Variants in EFHC1 observed in about 807,000 individuals in gnomAD.
The protein encoded by EFHC1 is EF-hand domain-containing protein 1.
A neutral mutation model predicts 69.9 loss-of-function variants in EFHC1; 53 were observed. The ratio of observed to expected loss-of-function variants is 0.76; its 90% CI spans 0.61 to 0.95. EFHC1 has a LOEUF of 0.95. Among genes scored for constraint, EFHC1 ranks in the 40% least tolerant of loss-of-function variants. The pLI is 0.00. For missense variants in EFHC1, 739 were observed against 798.7 expected, an observed-to-expected ratio of 0.93 and a Z score of 0.90; for synonymous variants, 256 against 278.4, an observed-to-expected ratio of 0.92 and a Z score of 0.80.
chr6:52,462,830 G>C (rs1422091223), intron 5 of EFHC1, among the ~76,000 whole-genome samples: 2 of 150,008 alleles, frequency 1.3e-5, no homozygotes, highest in African/African-American at 4.9e-5. Context: ...AGAGGTTGCA[G>C]TGAGCCGAGA....
Position 52,469,381 on chromosome 6 carries a change from A to T in EFHC1, c.1186A>T (p.Asn396Tyr). Residue 396 changes from asparagine (N) to tyrosine (Y), a missense_variant, in exon 7 of 11, where the codon AAT (asparagine) becomes TAT (tyrosine). By Grantham distance (143) the Asn-to-Tyr change is moderately radical. Transcript: ENST00000371068. ...TGGACTAGTGGAAGATTCTGCTCAGAATTGTTTTGCTCTCATTCCAAAAGC... is the reference window on the plus strand; with the variant it reads ...TGGACTAGTGGAAGATTCTGCTCAGTATTGTTTTGCTCTCATTCCAAAAGC... ...GFGLVEDSAQ[N>Y]CFALIPKAPK... 4.3e-6 allele frequency: 7 copies of T among 1,614,012 alleles called. No homozygotes were observed. The highest frequency in any genetic ancestry group is 5.9e-6 in the Non-Finnish European group (7 of 1,179,940).
intron 3 of EFHC1, among the ~76,000 whole-genome samples, chr6:52,446,950 C>A (rs1764800824): frequency 6.6e-6 from 1 of 152,214 alleles, no homozygotes; most frequent in South Asian, 2.1e-4. Flanking sequence ...TGAATGGCTT[C>A]ACTTTGTGGG....
At chr6:52,433,749 T>A (rs1227794417) in intron 2 of EFHC1, among the ~76,000 whole-genome samples, 1 of 151,700 alleles carries the variant, frequency 6.6e-6, no homozygotes, top group Non-Finnish European at 1.5e-5. Flanking sequence ...CAAGAGTATA[T>A]GCCCTTTGTC....
intron 1 of EFHC1, among the ~76,000 whole-genome samples, chr6:52,421,855 T>TG (rs1764197578): frequency 6.6e-6 from 1 of 152,206 alleles, no homozygotes. Flanking sequence ...TTGGTGTTGG[T>TG]GAGTATAGAC....
chr6:52,487,535 T>G (rs1464911522), intron 9 of EFHC1: 1 of 152,260 alleles, frequency 6.6e-6, no homozygotes, highest in East Asian at 1.9e-4. Context: ...TCTCCCACTT[T>G]GTACAACTAA....
intron 3 of EFHC1, among the ~76,000 whole-genome samples, chr6:52,438,850 C>G (rs1479191468): frequency 1.3e-5 from 2 of 152,014 alleles, no homozygotes; most frequent in Non-Finnish European, 2.9e-5. Flanking sequence ...GGTAAGAAAC[C>G]AGGTTAAAAT....
intron 9 of EFHC1, chr6:52,486,869 T>C (rs1293033432): frequency 6.6e-6 from 1 of 152,222 alleles, no homozygotes; most frequent in African/African-American, 2.4e-5. Flanking sequence ...TCATTGGTTG[T>C]TTCCAAGTAT....
intron 3 of EFHC1, among the ~76,000 whole-genome samples, chr6:52,451,687 C>T (rs149003567): frequency 2.6e-5 from 4 of 152,236 alleles, no homozygotes; most frequent in East Asian, 3.9e-4. Context: ...GCCTCTCTAG[C>T]GAGGTTGAGG....
In EFHC1 at chr6:52,452,807, A is replaced by G; in HGVS notation, c.693A>G (p.Gln231=). 5.6e-6 allele frequency: 9 copies of G among 1,614,190 alleles called. No individual in the cohort carries two copies. Among genetic ancestry groups the G allele is most frequent in the Non-Finnish European group, 7.6e-6 (9 of 1,180,028 alleles). ...ATGTCACCCCATCAGACTTTGATCAACTCAAGCAATTTCTCACCTTTGACA... is the reference window on the plus strand; with the variant it reads ...ATGTCACCCCATCAGACTTTGATCAGCTCAAGCAATTTCTCACCTTTGACA... ...RKYVTPSDFD[Q]LKQFLTFDKQ... The change falls in exon 4 of 11, where the codon CAA becomes CAG. Residue 231 remains glutamine, a synonymous_variant. Coordinates refer to ENST00000371068, the MANE Select transcript of EFHC1 (RefSeq NM_018100.4).
At position 52,479,639 on chromosome 6, in the gene EFHC1, G is replaced by A. The variant is rs758715767; in HGVS notation, c.1493-1G>A. On this transcript the variant is annotated splice_acceptor_variant, in intron 8 of 10. Coordinates refer to ENST00000371068, the MANE Select transcript of EFHC1 (RefSeq NM_018100.4). LOFTEE classifies it high-confidence loss of function. ...TAAGTGTGTTGCTACCTTCTCTCCA[G>A]TGTTTGGTCACCGGTTCATCATCCT... 6.2e-7 allele frequency: 1 copy of A among 1,614,062 alleles called. No individual in the cohort carries two copies. The highest frequency in any genetic ancestry group is 1.3e-5 in the African/African-American group (1 of 74,920).
At chr6:52,431,441 C>G (rs1764411847) in intron 2 of EFHC1, among the ~76,000 whole-genome samples, 1 of 152,074 alleles carries the variant, frequency 6.6e-6, no homozygotes. Context: ...TAATTTCCAT[C>G]TTGATTTTAT....
chr6:52,452,855 C>G lies in EFHC1; in HGVS notation c.723+18C>G, dbSNP rs375413085. 2 of 1,613,820 alleles carry G rather than the reference C, an allele frequency of 1.2e-6. No homozygotes were observed. The highest frequency in any genetic ancestry group is 1.7e-6 in the Non-Finnish European group (2 of 1,180,014). On this transcript the variant is annotated intron_variant, in intron 4 of 10. Transcript: ENST00000371068. ...ACAAACAGGTAAGTGACATAGGAAC[C>G]ACAATAGGCTTACTTATTTCCAAAT...
Position 52,490,321 on chromosome 6 carries a change from G to A in EFHC1, c.1822G>A (p.Val608Ile), listed in dbSNP as rs762558098. The A allele has an allele frequency of 1.5e-5, 25 of 1,613,958 alleles. No homozygotes were observed. In the South Asian group the frequency reaches 2.0e-4, roughly 13 times the overall value. ...MFFKICESLN[V>I]PVDDSLVKEL... ...CTTTAAAATCTGTGAATCGCTTAAC[G>A]TCCCAGTGGATGACTCCTTGGTTAA... The change falls in exon 10 of 11, where the codon GTC (valine) becomes ATC (isoleucine). Residue 608 changes from valine (V) to isoleucine (I), a missense_variant. Physicochemically the swap from Val to Ile is conservative, Grantham distance 29. Transcript: ENST00000371068.
chr6:52,487,241 T>C (rs1317455475), intron 9 of EFHC1: 1 of 152,198 alleles, frequency 6.6e-6, no homozygotes, highest in Admixed American at 6.5e-5. Context: ...GTATAGTCTT[T>C]AGTTTTTCTG....
chr6:52,469,599 A>G (rs1449201548), intron 7 of EFHC1, 126 bp downstream of exon 7: 3 of 1,357,798 alleles, frequency 2.2e-6, no homozygotes, highest in South Asian at 1.2e-5. Context: ...CAACCATTGT[A>G]TCTAGTACCC....
rs754569693 is a variant in EFHC1 at position 52,420,395 on chromosome 6, G to A, written c.-16G>A. On this transcript the variant is annotated 5_prime_UTR_variant, in exon 1 of 11. Coordinates refer to ENST00000371068, the MANE Select transcript of EFHC1 (RefSeq NM_018100.4). ...GACGAAGCAGGACCTAGGTGGCGGCGGTGGTACCGGCTGCAATGGTGTCCA... is the reference window on the plus strand; with the variant it reads ...GACGAAGCAGGACCTAGGTGGCGGCAGTGGTACCGGCTGCAATGGTGTCCA... 6.2e-7 allele frequency: 1 copy of A among 1,614,118 alleles called. No homozygotes were observed. The highest frequency in any genetic ancestry group is 1.3e-5 in the African/African-American group (1 of 74,944).
intron 3 of EFHC1, among the ~76,000 whole-genome samples, chr6:52,449,787 G>GT (rs1257348957): frequency 5.3e-5 from 8 of 152,128 alleles, no homozygotes; most frequent in East Asian, 1.9e-4. Context: ...CTTTTGAATG[G>GT]TTTTTTGTGT....
At chr6:52,463,625 C>G (rs1446069083) in intron 5 of EFHC1, among the ~76,000 whole-genome samples, 1 of 152,060 alleles carries the variant, frequency 6.6e-6, no homozygotes, top group Non-Finnish European at 1.5e-5. Flanking sequence ...TGCAAAAATC[C>G]TAAACAAGAT....
chr6:52,453,718 T>A (rs1391500459), intron 4 of EFHC1: 9 of 1,246,524 alleles, frequency 7.2e-6, no homozygotes, highest in Non-Finnish European at 9.3e-6. Flanking sequence ...AAATTTTTTC[T>A]ACACTAATTA....
Sources: allele counts gnomAD v4.1 joint callset (sites outside exome capture counted in the v4.1 genomes callset), GRCh38; gene constraint gnomAD v4.1.1; transcripts MANE v1.5; gene names NCBI Gene and HGNC (gene_info 2026-07-23, HGNC 2026-07-21).